Variants in ITGA9 observed in about 807,000 individuals in gnomAD.
ITGA9 encodes the protein integrin subunit alpha 9.
In ITGA9, 56 loss-of-function variants were observed where a neutral mutation model predicts 127.8. That is an observed-to-expected ratio of 0.44 (90% confidence interval 0.35 to 0.55). ITGA9 has a LOEUF of 0.55. Among genes scored for constraint, ITGA9 ranks in the 20% least tolerant of loss-of-function variants. The pLI is 0.00. For synonymous variants in ITGA9, 508 were observed against 514.5 expected, an observed-to-expected ratio of 0.99 and a Z score of 0.17; for missense variants, 1,196 against 1,347.1, an observed-to-expected ratio of 0.89 and a Z score of 1.76.
At chr3:37,486,244 T>C (rs1291666011) in intron 4 of ITGA9, among the ~76,000 whole-genome samples, 6 of 152,234 alleles carry the variant, frequency 3.9e-5, no homozygotes, top group African/African-American at 9.6e-5. Context: ...TAACAAAGCC[T>C]GTTCAAGATT....
intron 24 of ITGA9, among the ~76,000 whole-genome samples, chr3:37,778,279 A>G (rs1696931501): frequency 6.6e-6 from 1 of 152,192 alleles, no homozygotes; most frequent in African/African-American, 2.4e-5. Context: ...AATGTCCTAC[A>G]TCCTAATCAG....
intron 16 of ITGA9, among the ~76,000 whole-genome samples, chr3:37,636,952 G>A (rs1352157213): frequency 1.3e-5 from 2 of 152,004 alleles, no homozygotes; most frequent in Non-Finnish European, 2.9e-5. Context: ...TAGATATGCG[G>A]CGTTATTTCT....
chr3:37,670,402 A>G (rs554362639), intron 17 of ITGA9, among the ~76,000 whole-genome samples: 3 of 152,248 alleles, frequency 2.0e-5, no homozygotes, highest in South Asian at 4.1e-4. Flanking sequence ...TCACCTTCCC[A>G]TAGGACAGGT....
At chr3:37,693,681 G>A (rs888453589) in intron 18 of ITGA9, among the ~76,000 whole-genome samples, 1 of 152,178 alleles carries the variant, frequency 6.6e-6, no homozygotes, top group Non-Finnish European at 1.5e-5. Flanking sequence ...TTAGACAGAA[G>A]GTTCCATACA....
chr3:37,581,429 C>T (rs1216412505), intron 15 of ITGA9, among the ~76,000 whole-genome samples: 1 of 152,212 alleles, frequency 6.6e-6, no homozygotes, highest in Non-Finnish European at 1.5e-5. Flanking sequence ...CAGGACTGTG[C>T]ATGGGGATGA....
chr3:37,718,350 TTC>T (rs1701155845), intron 18 of ITGA9, among the ~76,000 whole-genome samples: 1 of 152,160 alleles, frequency 6.6e-6, no homozygotes, highest in Non-Finnish European at 1.5e-5. Context: ...CAGAGTTCAT[TTC>T]TCTGAGTCCC....
chr3:37,555,485 T>C (rs529937411), intron 15 of ITGA9, among the ~76,000 whole-genome samples: 1 of 152,234 alleles, frequency 6.6e-6, no homozygotes, highest in South Asian at 2.1e-4. Flanking sequence ...AAATAACACA[T>C]GTGGCTAGTG....
intron 18 of ITGA9, among the ~76,000 whole-genome samples, chr3:37,684,963 A>G (rs184303900): frequency 6.6e-6 from 1 of 152,282 alleles, no homozygotes; most frequent in East Asian, 1.9e-4. Context: ...TTCCCTGCAG[A>G]CAACAAGGGG....
rs80219486 is a variant in ITGA9 at position 37,806,447 on chromosome 3, A to G, written c.3009+2505A>G. 2,494 of 152,456 alleles carry G rather than the reference A, an allele frequency of 0.016. 59 individuals are homozygous for G. Among genetic ancestry groups the G allele is most frequent in the African/African-American group, 0.057 (2,361 of 41,506 alleles). 9.4% of individuals were successfully genotyped at this position (152,456 alleles called of 1,614,324 possible). On this transcript the variant is annotated intron_variant, in intron 27 of 27. Transcript: ENST00000264741. The surrounding 1 kb of genome is among the most constrained non-coding windows in gnomAD (Gnocchi z 4.3). ...TTGTGGCCGTGCCCCACTTCCCCTT[A>G]TAGTCTGCATGCCCTCCTTCTGGCC...
chr3:37,481,494 A>G lies in ITGA9; in HGVS notation c.431A>G (p.His144Arg), dbSNP rs1698554561. ...KADGRVLACA[H>R]RWKNIYYEAD... ...TCTCTATCCCTTTAGGCCTGTGCTC[A>G]TCGCTGGAAGAACATCTACTATGAA... The change falls in exon 4 of 28, where the codon CAT becomes CGT. Residue 144 changes from histidine to arginine, a missense_variant. By Grantham distance (29) the His-to-Arg change is conservative. Transcript: ENST00000264741. 6.2e-7 allele frequency: 1 copy of G among 1,614,058 alleles called. No homozygotes were observed. The highest frequency in any genetic ancestry group is 1.7e-5 in the Admixed American group (1 of 60,006).
At chr3:37,796,467 TTGGA>T (rs201148519) in intron 26 of ITGA9, among the ~76,000 whole-genome samples, 9,409 of 151,038 alleles carry the variant, frequency 0.062, 342 homozygotes, top group Middle Eastern at 0.15. Context: ...TGTTGGTTGG[TTGGA>T]TGGATGGATG....
intron 13 of ITGA9, among the ~76,000 whole-genome samples, chr3:37,532,434 GC>G (rs1307041715): frequency 6.6e-6 from 1 of 152,236 alleles, no homozygotes; most frequent in East Asian, 1.9e-4. Context: ...AGCTACTAAT[GC>G]CCCTTAATCT....
At chr3:37,492,012 C>G (rs868535786) in intron 4 of ITGA9, among the ~76,000 whole-genome samples, 1 of 152,202 alleles carries the variant, frequency 6.6e-6, no homozygotes, top group Non-Finnish European at 1.5e-5. Context: ...AATCCAATAA[C>G]ACCCACTAAC....
chr3:37,456,803 A>G (rs749626726), intron 1 of ITGA9, among the ~76,000 whole-genome samples: 2 of 152,246 alleles, frequency 1.3e-5, no homozygotes, highest in Non-Finnish European at 2.9e-5. Flanking sequence ...TTAAAAGAAC[A>G]AGCTAGATAG....
In ITGA9 at chr3:37,823,061, A is replaced by T. The variant is rs953862502; in HGVS notation, c.*4072A>T. ...TATTCAAAGAGTGGCTGAAGGGAGA[A>T]TACAGAGCCAGTAGGGCCAAAATGA... is the stretch of plus-strand genomic sequence containing the variant. On this transcript the variant is annotated 3_prime_UTR_variant, in exon 28 of 28. Coordinates refer to ENST00000264741, the MANE Select transcript of ITGA9 (RefSeq NM_002207.3). The T allele has an allele frequency of 5.3e-5, 8 of 152,218 alleles. No homozygotes were observed. Among genetic ancestry groups the T allele is most frequent in the Non-Finnish European group, 1.0e-4 (7 of 68,038 alleles). 9.4% of individuals were successfully genotyped at this position (152,218 alleles called of 1,614,324 possible).
At chr3:37,484,621 G>A (rs1698590602) in intron 4 of ITGA9, among the ~76,000 whole-genome samples, 1 of 152,114 alleles carries the variant, frequency 6.6e-6, no homozygotes, top group Non-Finnish European at 1.5e-5. Context: ...GGTCCAGAGA[G>A]GTGATGGCCT....
chr3:37,490,941 T>A (rs1246209896), intron 4 of ITGA9, among the ~76,000 whole-genome samples: 3 of 150,378 alleles, frequency 2.0e-5, no homozygotes, highest in East Asian at 4.0e-4. Flanking sequence ...TGTTCAACCC[T>A]ATCTTTTGGG....
At chr3:37,791,295 A>T (rs1162793212) in intron 26 of ITGA9, among the ~76,000 whole-genome samples, 1 of 152,242 alleles carries the variant, frequency 6.6e-6, no homozygotes, top group Non-Finnish European at 1.5e-5. Flanking sequence ...AGCAGAATAC[A>T]TGATAAACTT....
At chr3:37,567,442 A>C (rs1276863231) in intron 15 of ITGA9, among the ~76,000 whole-genome samples, 2 of 151,986 alleles carry the variant, frequency 1.3e-5, no homozygotes, top group Non-Finnish European at 2.9e-5. Flanking sequence ...CCCCTTCCAA[A>C]TATCATCTCA....
Sources: gnomAD v4.1 joint callset for allele counts (sites outside exome capture counted in the v4.1 genomes callset) on GRCh38, gnomAD v4.1.1 for gene constraint, Gnocchi (gnomAD v3.1) non-coding constraint, MANE v1.5 for transcripts, NCBI Gene and HGNC (gene_info 2026-07-23, HGNC 2026-07-21) for gene names.